Variants in WDR76 observed in about 807,000 individuals in gnomAD.
The protein encoded by WDR76 is WD repeat domain 76.
In WDR76, 52 loss-of-function variants were observed where a neutral mutation model predicts 70.2. The observed-to-expected ratio is 0.74, with a 90% CI of 0.59 to 0.93. WDR76 has a LOEUF of 0.93. Ranked by LOEUF, WDR76 falls within the 40% of genes least tolerant of loss-of-function variation. The pLI, the probability that WDR76 is intolerant of heterozygous loss-of-function variation, is 0.00. For synonymous variants in WDR76, 292 were observed against 271.1 expected (o/e 1.08, Z -0.76); for missense variants, 756 against 760.2 (o/e 0.99, Z 0.07).
At chr15:43,845,280 A>G (rs577664801) in intron 8 of WDR76, among the ~76,000 whole-genome samples, 1 of 150,214 alleles carries the variant, frequency 6.7e-6, no homozygotes, top group South Asian at 2.1e-4. Flanking sequence ...TGTTTAAAAT[A>G]TGGTCTGCTA....
Position 43,846,641 on chromosome 15 carries a change from G to A in WDR76, c.1032+2587G>A, listed in dbSNP as rs188656081. On this transcript the variant is annotated intron_variant, in intron 8 of 12. Transcript: ENST00000263795. ...AAATTGAAAATTAGCATGATTAAAT[G>A]AAGGTTTTTTTTTGGATGAGTTGAT... 7.8e-3 allele frequency among the ~76,000 whole-genome samples: 1,049 copies of A among 134,014 alleles called. 81 individuals carry two copies. The highest frequency in any genetic ancestry group is 0.042 in the East Asian group (213 of 5,130). The allele number at this position is 134,014 out of a possible 152,430, so 87.9% of individuals were successfully genotyped here. A position where few individuals can be genotyped will look rare whatever the true frequency, so the allele number is the denominator to read the frequency against.
At chr15:43,845,623 AAG>A (rs1377970136) in intron 8 of WDR76, among the ~76,000 whole-genome samples, 1 of 150,500 alleles carries the variant, frequency 6.6e-6, no homozygotes, top group African/African-American at 2.4e-5. Flanking sequence ...CAAATGGACT[AAG>A]AAACAGTTTC....
chr15:43,843,896 C>T lies in WDR76; in HGVS notation c.879-5C>T. 1 of 1,539,838 alleles carries T rather than the reference C, an allele frequency of 6.5e-7. No homozygotes were observed. The highest frequency in any genetic ancestry group is 8.8e-7 in the Non-Finnish European group (1 of 1,142,606). ...TTACAAAATTTAACTTTGTAATTTT[C>T]TTAGCTACAAAGCCAATTTAAATGG... On this transcript the variant is annotated splice_polypyrimidine_tract_variant and splice_region_variant and intron_variant, in intron 7 of 12. Transcript: ENST00000263795.
intron 9 of WDR76, among the ~76,000 whole-genome samples, chr15:43,856,601 T>A (rs1353479333): frequency 1.3e-5 from 2 of 151,544 alleles, no homozygotes; most frequent in African/African-American, 4.8e-5. Context: ...TTTGTTTTGT[T>A]TCTTTTTTTT....
At chr15:43,857,944 G>A (rs1222951306) in intron 10 of WDR76, among the ~76,000 whole-genome samples, 1 of 144,636 alleles carries the variant, frequency 6.9e-6, no homozygotes. Context: ...ATTAATAAGA[G>A]TATTAGAGGG....
chr15:43,835,815 C>T (rs541988317), intron 3 of WDR76, among the ~76,000 whole-genome samples: 4 of 152,028 alleles, frequency 2.6e-5, no homozygotes, highest in East Asian at 1.9e-4. Flanking sequence ...CCCGCCACCA[C>T]GCCTGTAATT....
At chr15:43,855,500 G>A (rs1474839961) in intron 9 of WDR76, among the ~76,000 whole-genome samples, 3 of 152,098 alleles carry the variant, frequency 2.0e-5, no homozygotes, top group Admixed American at 2.0e-4. Flanking sequence ...GATGCCTTTA[G>A]CATATTAATT....
chr15:43,860,584 C>T lies in WDR76; in HGVS notation c.1563-749C>T, dbSNP rs372083284. The stretch of plus-strand genomic sequence containing the variant: ...ACTACAACCCTGACGTGCTGGGCTC[C>T]AGCCAACTTACGGGCTCTAGCAATC... On this transcript the variant is annotated intron_variant, in intron 11 of 12. Coordinates refer to ENST00000263795, the MANE Select transcript of WDR76 (RefSeq NM_024908.4). Among the ~76,000 whole-genome samples the T allele has an allele frequency of 1.1e-4, 17 of 151,860 alleles. No individual in the cohort carries two copies. The East Asian group carries it at 2.7e-3, about 24-fold the overall frequency.
chr15:43,866,563 G>A lies in WDR76; in HGVS notation c.*171G>A. ...TACTTTTAGTAAGGGAGAAGTCTTG[G>A]AGGGTTGCTTCTGCAGGACGGGGAG... On this transcript the variant is annotated 3_prime_UTR_variant, in exon 13 of 13. Coordinates refer to ENST00000263795, the MANE Select transcript of WDR76 (RefSeq NM_024908.4). The A allele has an allele frequency of 1.3e-6, 1 of 768,690 alleles. No homozygotes were observed. The highest frequency in any genetic ancestry group is 2.8e-5 in the East Asian group (1 of 35,908). The allele number at this position is 768,690 out of a possible 1,614,324, so 47.6% of individuals were successfully genotyped here.
In WDR76 at chr15:43,866,478, G is replaced by T; in HGVS notation, c.*86G>T. 6.9e-7 allele frequency: 1 copy of T among 1,441,758 alleles called. No individual in the cohort carries two copies. The highest frequency in any genetic ancestry group is 9.6e-7 in the Non-Finnish European group (1 of 1,046,058). 89.3% of individuals were successfully genotyped at this position (1,441,758 alleles called of 1,614,324 possible). On this transcript the variant is annotated 3_prime_UTR_variant, in exon 13 of 13. Coordinates refer to ENST00000263795, the MANE Select transcript of WDR76 (RefSeq NM_024908.4). ...CGGCGTGCCTTAGTGTGTTTATGTG[G>T]TAATGTGTTACATTTAGCAATTATA...
intron 5 of WDR76, among the ~76,000 whole-genome samples, chr15:43,840,034 T>C (rs2087705460): frequency 6.6e-6 from 1 of 152,070 alleles, no homozygotes; most frequent in East Asian, 1.9e-4. Flanking sequence ...ATTTTTTTTA[T>C]TTTTGGTAGA....
At chr15:43,857,289 C>A in intron 10 of WDR76, 126 bp downstream of exon 10, 1 of 1,093,950 alleles carries the variant, frequency 9.1e-7, no homozygotes, top group Non-Finnish European at 1.2e-6. Flanking sequence ...ACCCAAAGGC[C>A]AAGTAATTTT....
At position 43,829,010 on chromosome 15, in the gene WDR76, G is replaced by T. The variant is rs145315437; in HGVS notation, c.462+644G>T. On this transcript the variant is annotated intron_variant, in intron 2 of 12. Transcript: ENST00000263795. ...CTCGGCCTCCCAGTTTTAATAGATTGTCCTGCTTCAGCCTCCTGAGTAGCT... is the reference window on the plus strand; with the variant it reads ...CTCGGCCTCCCAGTTTTAATAGATTTTCCTGCTTCAGCCTCCTGAGTAGCT... Among the ~76,000 whole-genome samples, 448 of 150,926 alleles carry T rather than the reference G, an allele frequency of 3.0e-3. 3 individuals are homozygous for T. The highest frequency in any genetic ancestry group is 5.5e-3 in the Non-Finnish European group (375 of 67,862).
intron 2 of WDR76, among the ~76,000 whole-genome samples, chr15:43,834,755 C>G (rs1301381066): frequency 1.3e-5 from 2 of 152,078 alleles, no homozygotes; most frequent in Admixed American, 6.6e-5. Flanking sequence ...CCAAAAATAA[C>G]TTTTGTGTAA....
intron 5 of WDR76, among the ~76,000 whole-genome samples, 189 bp from the exon 6 acceptor site, chr15:43,842,223 ATGT>A (rs1424081665): frequency 6.6e-6 from 1 of 152,186 alleles, no homozygotes; most frequent in Admixed American, 6.6e-5. Flanking sequence ...GAGATAATAC[ATGT>A]TATTATTACT....
chr15:43,860,592 T>C (rs942232220), intron 11 of WDR76, among the ~76,000 whole-genome samples: 6 of 152,082 alleles, frequency 3.9e-5, no homozygotes, highest in Admixed American at 3.3e-4. Flanking sequence ...TCCAGCCAAC[T>C]TACGGGCTCT....
chr15:43,839,781 T>G, intron 5 of WDR76, 53 bp downstream of exon 5: 1 of 1,519,620 alleles, frequency 6.6e-7, no homozygotes, highest in South Asian at 1.3e-5. Context: ...CTGAAAAATT[T>G]GAAGTGTTGA....
intron 11 of WDR76, among the ~76,000 whole-genome samples, chr15:43,859,400 C>G (rs1365931804): frequency 1.3e-5 from 2 of 152,160 alleles, no homozygotes; most frequent in Non-Finnish European, 2.9e-5. Flanking sequence ...AGTGTAATCA[C>G]AAAGGAAAAT....
At position 43,867,060 on chromosome 15, in the gene WDR76, T is replaced by G. The variant is rs1595458392; in HGVS notation, c.*668T>G. On this transcript the variant is annotated 3_prime_UTR_variant, in exon 13 of 13. Transcript: ENST00000263795. ...AGTAATTTGTGGCTTATTTTATAGT[T>G]TATAATGAATACTTATTTCTAGACT... The G allele has an allele frequency of 6.6e-6, 1 of 152,334 alleles. No homozygotes were observed. Among genetic ancestry groups the G allele is most frequent in the Middle Eastern group, 3.4e-3 (1 of 294 alleles). The allele number at this position is 152,334 out of a possible 1,614,324, so 9.4% of individuals were successfully genotyped here.
Sources: allele counts gnomAD v4.1 joint callset (sites outside exome capture counted in the v4.1 genomes callset), GRCh38; gene constraint gnomAD v4.1.1; transcripts MANE v1.5; gene names NCBI Gene and HGNC (gene_info 2026-07-23, HGNC 2026-07-21).